The following PPP1R9A variants were observed in gnomAD, a reference collection of about 807,000 sequenced individuals.
PPP1R9A encodes the protein neurabin-1.
A neutral mutation model predicts 141.9 loss-of-function variants in PPP1R9A; 59 were observed. The ratio of observed to expected loss-of-function variants is 0.42; its 90% CI spans 0.34 to 0.52. The LOEUF is 0.52. Among genes scored for constraint, PPP1R9A ranks in the 20% least tolerant of loss-of-function variants. PPP1R9A has a pLI of 0.10. For synonymous variants in PPP1R9A, 500 were observed against 569.7 expected, an observed-to-expected ratio of 0.88 and a Z score of 1.74; for missense variants, 1,444 against 1,611.9, an observed-to-expected ratio of 0.90 and a Z score of 1.78.
rs113715979 is a variant in PPP1R9A, at chr7:95,291,345, G to A, written c.*1042G>A. On this transcript the variant is annotated 3_prime_UTR_variant, in exon 20 of 20. Coordinates refer to ENST00000433360, the MANE Select transcript of PPP1R9A (RefSeq NM_001166160.2). ...GGGCTCAGTTAGTATTTTAACAAAT[G>A]TACTTTTAAGAAAAATAGAAATACC... 1.1e-3 allele frequency: 162 copies of A among 152,256 alleles called. No homozygotes were observed. Among genetic ancestry groups the A allele is most frequent in the African/African-American group, 3.7e-3 (153 of 41,554 alleles). 9.4% of individuals were successfully genotyped at this position (152,256 alleles called of 1,614,324 possible). A position where few individuals can be genotyped will look rare whatever the true frequency, so the allele number is the denominator to read the frequency against.
At chr7:95,117,907 A>C (rs771003471) in intron 3 of PPP1R9A, among the ~76,000 whole-genome samples, 1 of 152,206 alleles carries the variant, frequency 6.6e-6, no homozygotes, top group African/African-American at 2.4e-5. Flanking sequence ...AAGAGGCTAC[A>C]TTGATCATCT....
chr7:94,983,785 GT>G (rs1296256895), intron 2 of PPP1R9A, among the ~76,000 whole-genome samples: 1 of 152,182 alleles, frequency 6.6e-6, no homozygotes, highest in African/African-American at 2.4e-5. Flanking sequence ...AACAGGGACA[GT>G]TTGACTTCCT....
At chr7:94,930,644 C>G (rs1794046286) in intron 2 of PPP1R9A, among the ~76,000 whole-genome samples, 2 of 152,016 alleles carry the variant, frequency 1.3e-5, no homozygotes, top group Admixed American at 1.3e-4. Context: ...CCAGCCCTAT[C>G]TTTATACTTT....
At chr7:95,224,133 A>G (rs568541408) in intron 7 of PPP1R9A, among the ~76,000 whole-genome samples, 2 of 152,256 alleles carry the variant, frequency 1.3e-5, no homozygotes, top group African/African-American at 2.4e-5. Flanking sequence ...GCCAGTGGCA[A>G]AGACACTTGA....
At chr7:94,963,501 T>C (rs1797869224) in intron 2 of PPP1R9A, among the ~76,000 whole-genome samples, 1 of 152,200 alleles carries the variant, frequency 6.6e-6, no homozygotes, top group African/African-American at 2.4e-5. Context: ...TGTTTTTTTC[T>C]GGATTGGCTT....
rs555244153 is a variant in PPP1R9A, at chr7:95,131,156, G to A, written c.1649+10324G>A. Among the ~76,000 whole-genome samples the A allele has an allele frequency of 3.2e-4, 48 of 152,248 alleles. No individual in the cohort carries two copies. The South Asian group carries it at 5.6e-3, about 18-fold the overall frequency. Reference sequence around the variant, plus strand: ...TTGTAACTCCCACAATTCCCATGTCGTGGGAGGAACCTGCTAGGAAGTGAT... The same window carrying A: ...TTGTAACTCCCACAATTCCCATGTCATGGGAGGAACCTGCTAGGAAGTGAT... On this transcript the variant is annotated intron_variant, in intron 4 of 19. Transcript: ENST00000433360.
chr7:95,062,610 A>G (rs554845749), intron 2 of PPP1R9A, among the ~76,000 whole-genome samples: 65 of 149,190 alleles, frequency 4.4e-4, no homozygotes, highest in African/African-American at 1.5e-3. Context: ...CTGGTCTTGA[A>G]CTCCTGACCT....
At chr7:95,057,014 A>ATC (rs1056627249) in intron 2 of PPP1R9A, among the ~76,000 whole-genome samples, 1 of 152,122 alleles carries the variant, frequency 6.6e-6, no homozygotes, top group Non-Finnish European at 1.5e-5. Context: ...TTGAATTTTG[A>ATC]TCTCTCTCTC....
At position 95,195,241 on chromosome 7, in the gene PPP1R9A, T is replaced by C. The variant is rs1377938499; in HGVS notation, c.1755-3108T>C. 2.0e-5 allele frequency among the ~76,000 whole-genome samples: 3 copies of C among 150,262 alleles called. No individual in the cohort carries two copies. The East Asian group carries it at 5.9e-4, about 29-fold the overall frequency. ...AGGAGAAAATCTTAGCAATCTTAAA[T>C]CAGGCAGAGGCTTTTTAGATAGGAA... is the stretch of plus-strand genomic sequence containing the variant. On this transcript the variant is annotated intron_variant, in intron 5 of 19. Coordinates refer to ENST00000433360, the MANE Select transcript of PPP1R9A (RefSeq NM_001166160.2).
At chr7:95,161,822 A>G in intron 4 of PPP1R9A, 45 bp from the exon 5 acceptor site, 2 of 1,254,932 alleles carry the variant, frequency 1.6e-6, no homozygotes, top group East Asian at 2.6e-5. Context: ...ACATAAATTA[A>G]TTTTTTATGT....
At chr7:94,954,039 G>C (rs1413932913) in intron 2 of PPP1R9A, among the ~76,000 whole-genome samples, 2 of 152,060 alleles carry the variant, frequency 1.3e-5, no homozygotes, top group African/African-American at 4.8e-5. Context: ...TCTTGTGCTG[G>C]TTTTCAAAGG....
intron 16 of PPP1R9A, among the ~76,000 whole-genome samples, chr7:95,282,026 T>C (rs1416352739): frequency 6.6e-6 from 1 of 152,150 alleles, no homozygotes; most frequent in Non-Finnish European, 1.5e-5. Flanking sequence ...CTAGGCATTT[T>C]TACTAGAATG....
At chr7:95,143,399 A>C (rs1827043318) in intron 4 of PPP1R9A, among the ~76,000 whole-genome samples, 1 of 152,144 alleles carries the variant, frequency 6.6e-6, no homozygotes, top group Non-Finnish European at 1.5e-5. Context: ...CTTAGATATC[A>C]TAAGACCATA....
intron 5 of PPP1R9A, among the ~76,000 whole-genome samples, chr7:95,166,795 A>G (rs1167450694): frequency 6.6e-6 from 1 of 152,238 alleles, no homozygotes; most frequent in Non-Finnish European, 1.5e-5. Flanking sequence ...CCAACAGTAC[A>G]TTAAAAAGAT....
chr7:95,128,972 A>G (rs1824078334), intron 4 of PPP1R9A, among the ~76,000 whole-genome samples: 1 of 152,164 alleles, frequency 6.6e-6, no homozygotes, highest in Admixed American at 6.5e-5. Flanking sequence ...TATGATTCTT[A>G]TAGTTTGAGG....
chr7:94,958,141 G>A (rs1291082150), intron 2 of PPP1R9A, among the ~76,000 whole-genome samples: 1 of 152,002 alleles, frequency 6.6e-6, no homozygotes, highest in Non-Finnish European at 1.5e-5. Flanking sequence ...TCCAGCACTT[G>A]CCTAGAACTT....
chr7:95,096,580 A>G (rs138990576), intron 2 of PPP1R9A, among the ~76,000 whole-genome samples: 1 of 152,102 alleles, frequency 6.6e-6, no homozygotes, highest in South Asian at 2.1e-4. Flanking sequence ...GGTTCTCTCT[A>G]ATCTTCTTTG....
chr7:95,186,384 G>A (rs145217183), intron 5 of PPP1R9A, among the ~76,000 whole-genome samples: 184 of 152,218 alleles, frequency 1.2e-3, no homozygotes, highest in Non-Finnish European at 2.2e-3. Context: ...AAATCTTACT[G>A]AACTTATTTG....
rs1819715879 is a variant in PPP1R9A, at chr7:95,107,539, C to T, written c.1396-3720C>T. Among the ~76,000 whole-genome samples the T allele has an allele frequency of 2.0e-5, 3 of 151,780 alleles. No homozygotes were observed. In the South Asian group the frequency reaches 6.2e-4, roughly 32 times the overall value. ...TATTTTTGTTCTGAATTGTATTTTTCTTTGTGATATAAATAGGAATGTTTT... is the reference window on the plus strand; with the variant it reads ...TATTTTTGTTCTGAATTGTATTTTTTTTTGTGATATAAATAGGAATGTTTT... On this transcript the variant is annotated intron_variant, in intron 2 of 19. Coordinates refer to ENST00000433360, the MANE Select transcript of PPP1R9A (RefSeq NM_001166160.2).
Sources: gnomAD v4.1 joint callset for allele counts (sites outside exome capture counted in the v4.1 genomes callset) on GRCh38, gnomAD v4.1.1 for gene constraint, MANE v1.5 for transcripts, NCBI Gene and HGNC (gene_info 2026-07-23, HGNC 2026-07-21) for gene names.